ZNF253: variants seen among roughly 807,000 people sequenced by gnomAD.
The protein encoded by ZNF253 is DNA-binding protein.
A neutral mutation model predicts 11.9 loss-of-function variants in ZNF253; 8 were observed. The ratio of observed to expected loss-of-function variants is 0.67; its 90% confidence interval spans 0.40 to 1.22. The LOEUF (loss-of-function observed/expected upper bound fraction) is 1.22, where lower values mean the gene tolerates loss of function less well. ZNF253 is among the 50% of genes most tolerant of loss of function. ZNF253 has a pLI of 0.01. For synonymous variants in ZNF253, 194 were observed against 194.9 expected (o/e 1.00, Z 0.04); for missense variants, 485 against 586.9 (o/e 0.83, Z 1.79).
rs1171800820 is a variant in ZNF253 at position 19,880,106 on chromosome 19, T to G, written c.186T>G (p.Pro62=). ...CCTGTCTGGAGCAAGGAAAAAAACCTTTAACTATGGAAAGACATGAGATGA... is the reference window on the plus strand; with the variant it reads ...CCTGTCTGGAGCAAGGAAAAAAACCGTTAACTATGGAAAGACATGAGATGA... The part of the protein sequence containing the change: ...LVTCLEQGKK[P]LTMERHEMIA... Residue 62 remains proline, a synonymous_variant, in exon 3 of 4, where the codon CCT becomes CCG. Transcript: ENST00000589717. 2.5e-6 allele frequency: 4 copies of G among 1,609,166 alleles called. No individual in the cohort carries two copies. Among genetic ancestry groups the G allele is most frequent in the Non-Finnish European group, 2.5e-6 (3 of 1,177,876 alleles).
In ZNF253 at chr19:19,882,496, A is replaced by G. The variant is rs78417636; in HGVS notation, c.226+2350A>G. On this transcript the variant is annotated intron_variant, in intron 3 of 3. Transcript: ENST00000589717. ...TTTTAGACAGACCGAATATCCTTACAGGTTCAAGCAGTTCTCATGTCTCAG... is the reference window on the plus strand; with the variant it reads ...TTTTAGACAGACCGAATATCCTTACGGGTTCAAGCAGTTCTCATGTCTCAG... 9.9e-3 allele frequency among the ~76,000 whole-genome samples: 1,502 copies of G among 152,098 alleles called. 23 individuals are homozygous for G. Among genetic ancestry groups the G allele is most frequent in the African/African-American group, 0.034 (1,411 of 41,478 alleles).
At chr19:19,881,838 A>AT (rs58532418) in intron 3 of ZNF253, among the ~76,000 whole-genome samples, 10,588 of 151,152 alleles carry the variant, frequency 0.07, 583 homozygotes, top group East Asian at 0.17. Flanking sequence ...ATTTCAATGG[A>AT]TTTTTTTTTA....
intron 3 of ZNF253, among the ~76,000 whole-genome samples, chr19:19,889,231 TG>T (rs1480779012): frequency 6.6e-6 from 1 of 151,954 alleles, no homozygotes; most frequent in Non-Finnish European, 1.5e-5. Flanking sequence ...CCATAATTTT[TG>T]TTTTTTTCTA....
chr19:19,890,684 G>A (rs929372417), intron 3 of ZNF253, among the ~76,000 whole-genome samples: 8 of 151,706 alleles, frequency 5.3e-5, no homozygotes, highest in Middle Eastern at 3.2e-3. Flanking sequence ...ACCATGCCTG[G>A]CTAATTTTCT....
intron 3 of ZNF253, among the ~76,000 whole-genome samples, chr19:19,880,706 CAAAA>C (rs555124619): frequency 1.7e-5 from 2 of 118,580 alleles, no homozygotes; most frequent in South Asian, 2.6e-4. Flanking sequence ...CTCCATCTCA[CAAAA>C]AAAAAAAAAA....
rs1445347705 is a variant in ZNF253, at chr19:19,892,199, G to A, written c.952G>A (p.Gly318Ser). ...RGKPYNCEEC[G>S]KSFKHCSNLT... is the part of the protein sequence containing the mutation. ...GAAACCCTACAACTGTGAAGAATGTGGCAAATCCTTTAAGCACTGCTCTAA... is the reference window on the plus strand; with the variant it reads ...GAAACCCTACAACTGTGAAGAATGTAGCAAATCCTTTAAGCACTGCTCTAA... The change falls in exon 4 of 4, where the codon GGC becomes AGC. Residue 318 changes from glycine to serine, a missense_variant. Coordinates refer to ENST00000589717, the MANE Select transcript of ZNF253 (RefSeq NM_021047.3). 2 of 1,613,616 alleles carry A rather than the reference G, an allele frequency of 1.2e-6. No homozygotes were observed. The highest frequency in any genetic ancestry group is 1.1e-5 in the South Asian group (1 of 91,026).
chr19:19,876,990 G>A (rs754084340), intron 1 of ZNF253, among the ~76,000 whole-genome samples: 68 of 152,158 alleles, frequency 4.5e-4, no homozygotes, highest in Admixed American at 5.2e-4. Flanking sequence ...TATTAAAAAT[G>A]TTCCCTTCGT....
intron 3 of ZNF253, 93 bp downstream of exon 3, chr19:19,880,239 G>T: frequency 1.1e-6 from 1 of 937,852 alleles, no homozygotes; most frequent in Admixed American, 2.7e-5. Context: ...GATTCTGGAA[G>T]CTGTGTTCCA....
chr19:19,865,928 CTG>C lies in ZNF253; in HGVS notation c.-66_-65del, dbSNP rs955431297. Reference sequence around the variant, plus strand: ...TCCTGTGCTTATAGAGGCCCGTCCTCTGTGGCCGTGTGACCTGCAAGTATTGG... The same window carrying C: ...TCCTGTGCTTATAGAGGCCCGTCCTCTGGCCGTGTGACCTGCAAGTATTGG... On this transcript the variant is annotated 5_prime_UTR_variant, in exon 1 of 4. Coordinates refer to ENST00000589717, the MANE Select transcript of ZNF253 (RefSeq NM_021047.3). 2.2e-4 allele frequency: 350 copies of C among 1,604,620 alleles called. No individual in the cohort carries two copies. The highest frequency in any genetic ancestry group is 1.6e-4 in the Non-Finnish European group (192 of 1,171,502).
chr19:19,890,500 G>T (rs1156415330), intron 3 of ZNF253, among the ~76,000 whole-genome samples: 2 of 94,666 alleles, frequency 2.1e-5, no homozygotes, highest in African/African-American at 3.6e-5. Context: ...ATTTATATTT[G>T]TGTGTGTGTG....
At chr19:19,869,209 A>T (rs2063122720) in intron 1 of ZNF253, among the ~76,000 whole-genome samples, 1 of 152,264 alleles carries the variant, frequency 6.6e-6, no homozygotes, top group South Asian at 2.1e-4. Flanking sequence ...TATCCAAGGT[A>T]ATTATCCAAT....
At chr19:19,887,278 T>A (rs2063210151) in intron 3 of ZNF253, among the ~76,000 whole-genome samples, 1 of 151,808 alleles carries the variant, frequency 6.6e-6, no homozygotes, top group East Asian at 1.9e-4. Flanking sequence ...TTCTATTTTT[T>A]TATATATAAT....
chr19:19,884,739 C>T (rs563288518), intron 3 of ZNF253, among the ~76,000 whole-genome samples: 25 of 152,096 alleles, frequency 1.6e-4, no homozygotes, highest in Middle Eastern at 6.8e-3. Context: ...ATAATGGCTG[C>T]ATCATTATTT....
At chr19:19,884,904 T>C (rs1328669215) in intron 3 of ZNF253, among the ~76,000 whole-genome samples, 1 of 152,240 alleles carries the variant, frequency 6.6e-6, no homozygotes, top group East Asian at 1.9e-4. Context: ...ATTTTGTGTG[T>C]GCTTTCAAAT....
chr19:19,878,356 T>G, intron 1 of ZNF253, 125 bp from the exon 2 acceptor site: 1 of 1,509,516 alleles, frequency 6.6e-7, no homozygotes, highest in South Asian at 1.2e-5. Context: ...AAATATTTTA[T>G]TGGATAATTT....
At chr19:19,872,577 ATAT>A (rs910149967) in intron 1 of ZNF253, among the ~76,000 whole-genome samples, 3 of 106,786 alleles carry the variant, frequency 2.8e-5, no homozygotes, top group African/African-American at 5.6e-5. Flanking sequence ...ATATATATAT[ATAT>A]TATTATATAT....
intron 3 of ZNF253, among the ~76,000 whole-genome samples, chr19:19,880,462 T>C (rs2063173339): frequency 6.6e-6 from 1 of 151,916 alleles, no homozygotes; most frequent in South Asian, 2.1e-4. Flanking sequence ...CCCAGAACAG[T>C]GGGAGGCCAA....
chr19:19,886,738 T>C (rs529150171), intron 3 of ZNF253, among the ~76,000 whole-genome samples: 1 of 152,360 alleles, frequency 6.6e-6, no homozygotes, highest in Non-Finnish European at 1.5e-5. Context: ...ACACTTCTTA[T>C]ACAGTCTGCC....
At chr19:19,882,331 G>A (rs368071387) in intron 3 of ZNF253, among the ~76,000 whole-genome samples, 1 of 152,184 alleles carries the variant, frequency 6.6e-6, no homozygotes, top group South Asian at 2.1e-4. Flanking sequence ...TCTTTTATTG[G>A]GCCCTTAGGG....
Sources: allele counts gnomAD v4.1 joint callset (sites outside exome capture counted in the v4.1 genomes callset), GRCh38; gene constraint gnomAD v4.1.1; transcripts MANE v1.5; gene names NCBI Gene and HGNC (gene_info 2026-07-23, HGNC 2026-07-21).